GLDC: variants seen among roughly 807,000 people sequenced by gnomAD.
The protein encoded by GLDC is glycine dehydrogenase (decarboxylating), mitochondrial.
In GLDC, 104 loss-of-function variants were observed where a neutral mutation model predicts 121.3. That is an observed-to-expected ratio of 0.86 (90% CI 0.73 to 1.01). The LOEUF is 1.01. GLDC is among the 50% of genes least tolerant of loss of function. The pLI is 0.00. For synonymous variants in GLDC, 546 were observed against 480.6 expected (o/e 1.14, Z -1.78); for missense variants, 1,429 against 1,306.6 (o/e 1.09, Z -1.44).
Position 6,553,565 on chromosome 9 carries a change from T to A in GLDC, c.2316-56A>T, listed in dbSNP as rs979806949. 5 of 1,571,194 alleles carry A rather than the reference T, an allele frequency of 3.2e-6. No individual in the cohort carries two copies. In the Admixed American group the frequency reaches 8.3e-5, roughly 26 times the overall value. ...ATGTAAACGATTCAGTTTAATCTAA[T>A]GGGAAGGTTCTGGGCCCTCCCAGAA... On this transcript the variant is annotated intron_variant, in intron 19 of 24. Coordinates refer to ENST00000321612, the MANE Select transcript of GLDC (RefSeq NM_000170.3).
chr9:6,575,073 G>T (rs746579170), intron 15 of GLDC, among the ~76,000 whole-genome samples: 2 of 152,000 alleles, frequency 1.3e-5, no homozygotes, highest in Non-Finnish European at 2.9e-5. Flanking sequence ...GTGGTGGCGG[G>T]CACCTGTAGC....
chr9:6,578,132 T>A (rs1178163849), intron 15 of GLDC, among the ~76,000 whole-genome samples: 1 of 151,558 alleles, frequency 6.6e-6, no homozygotes. Context: ...CCAGGCTTCT[T>A]TTTTTTTCGA....
intron 7 of GLDC, among the ~76,000 whole-genome samples, chr9:6,604,232 T>C (rs999556321): frequency 6.6e-6 from 1 of 152,178 alleles, no homozygotes; most frequent in African/African-American, 2.4e-5. Context: ...TCTCAGTGCA[T>C]TTGTCTTTAC....
chr9:6,630,740 T>C lies in GLDC; in HGVS notation c.335-10421A>G, dbSNP rs146648500. ...TCAATCAAGATAAACAGACCATGAA[T>C]GACAGCATGGCAGGACTTTCTCATC... On this transcript the variant is annotated intron_variant, in intron 2 of 24. Coordinates refer to ENST00000321612, the MANE Select transcript of GLDC (RefSeq NM_000170.3). 5.3e-3 allele frequency among the ~76,000 whole-genome samples: 800 copies of C among 152,236 alleles called. 8 individuals carry two copies. The highest frequency in any genetic ancestry group is 0.018 in the African/African-American group (761 of 41,556).
At chr9:6,630,230 C>G (rs1439384875) in intron 2 of GLDC, among the ~76,000 whole-genome samples, 3 of 151,922 alleles carry the variant, frequency 2.0e-5, no homozygotes, top group Non-Finnish European at 2.9e-5. Context: ...GATCGTGCCA[C>G]TGCACCCCAG....
intron 3 of GLDC, among the ~76,000 whole-genome samples, chr9:6,610,807 C>A (rs1338461020): frequency 6.6e-6 from 1 of 152,166 alleles, no homozygotes; most frequent in Non-Finnish European, 1.5e-5. Context: ...GTCATGTTAC[C>A]CAAGCTGGTC....
intron 15 of GLDC, among the ~76,000 whole-genome samples, chr9:6,577,451 A>G (rs1214080997): frequency 2.0e-5 from 3 of 152,220 alleles, no homozygotes; most frequent in Admixed American, 6.5e-5. Context: ...ACCCTCTGAG[A>G]TCAGGAGAAC....
chr9:6,564,507 G>C (rs1350425231), intron 16 of GLDC, among the ~76,000 whole-genome samples: 1 of 152,172 alleles, frequency 6.6e-6, no homozygotes, highest in East Asian at 1.9e-4. Flanking sequence ...TACTTAGCCA[G>C]CCAGCACCAC....
chr9:6,639,659 T>TAAAAA (rs202066422), intron 2 of GLDC: 53 of 269,114 alleles, frequency 2.0e-4, no homozygotes, highest in Middle Eastern at 1.1e-3. Context: ...CTTTTCACCA[T>TAAAAA]AAAAAAAAAG....
intron 17 of GLDC, chr9:6,558,200 C>G: frequency 1.9e-6 from 1 of 514,808 alleles, no homozygotes; most frequent in East Asian, 3.3e-5. Flanking sequence ...GCAAAGCTGA[C>G]ATTTGTGTTA....
intron 4 of GLDC, among the ~76,000 whole-genome samples, chr9:6,609,251 A>C (rs556302963): frequency 6.6e-6 from 1 of 152,362 alleles, no homozygotes; most frequent in Non-Finnish European, 1.5e-5. Flanking sequence ...TCTTCAGGAA[A>C]TAATCAGAAG....
intron 22 of GLDC, among the ~76,000 whole-genome samples, chr9:6,537,552 C>G (rs1369192868): frequency 6.6e-6 from 1 of 152,212 alleles, no homozygotes; most frequent in African/African-American, 2.4e-5. Flanking sequence ...AGGCCAAGGC[C>G]AGCGGATTGC....
At chr9:6,607,066 CA>C (rs903027622) in intron 4 of GLDC, among the ~76,000 whole-genome samples, 19 of 148,070 alleles carry the variant, frequency 1.3e-4, no homozygotes, top group South Asian at 4.3e-4. Context: ...AACTCTGTCT[CA>C]AAAAAAAAAT....
At chr9:6,640,512 G>A (rs1755603) in intron 2 of GLDC, among the ~76,000 whole-genome samples, 44,726 of 152,080 alleles carry the variant, frequency 0.29, 7,109 homozygotes, top group East Asian at 0.51. Context: ...CCCTCCCTCC[G>A]CTCACTGCCC....
chr9:6,609,995 G>A (rs1425755585), intron 4 of GLDC, among the ~76,000 whole-genome samples, 197 bp downstream of exon 4: 1 of 152,092 alleles, frequency 6.6e-6, no homozygotes, highest in Non-Finnish European at 1.5e-5. Flanking sequence ...CAAAATCCGG[G>A]TGGAGACACC....
chr9:6,583,115 G>A (rs1818203637), intron 15 of GLDC, among the ~76,000 whole-genome samples: 1 of 152,080 alleles, frequency 6.6e-6, no homozygotes, highest in Non-Finnish European at 1.5e-5. Context: ...CACTGCTGGT[G>A]GGAATGTTAA....
intron 3 of GLDC, among the ~76,000 whole-genome samples, chr9:6,618,711 G>A (rs926176219): frequency 1.3e-5 from 2 of 152,188 alleles, no homozygotes; most frequent in Non-Finnish European, 1.5e-5. Context: ...TGCTTTCAGT[G>A]TTGTTCTATC....
intron 15 of GLDC, among the ~76,000 whole-genome samples, chr9:6,577,386 C>T (rs1337634703): frequency 3.9e-5 from 6 of 152,180 alleles, no homozygotes; most frequent in Non-Finnish European, 8.8e-5. Flanking sequence ...TTGCCTCCAG[C>T]CCCAGGGCAA....
In GLDC at chr9:6,645,298, T is replaced by G. The variant is rs1375760339; in HGVS notation, c.202A>C (p.Ile68Leu). Residue 68 changes from isoleucine (I) to leucine (L), a missense_variant, in exon 1 of 25, where the codon ATC becomes CTC. Physicochemically the swap from Ile to Leu is conservative, Grantham distance 5. Transcript: ENST00000321612. The part of the protein sequence containing the change: ...PRHDDFARRH[I>L]GPGDKDQREM... Reference sequence around the variant, plus strand: ...CTCTGGTCTTTGTCCCCAGGGCCGATGTGCCTCCGAGCGAAGTCGTCGTGT... The same window carrying G: ...CTCTGGTCTTTGTCCCCAGGGCCGAGGTGCCTCCGAGCGAAGTCGTCGTGT... 6.2e-7 allele frequency: 1 copy of G among 1,601,276 alleles called. No homozygotes were observed. The highest frequency in any genetic ancestry group is 2.3e-5 in the East Asian group (1 of 43,942).
Sources: gnomAD v4.1 joint callset for allele counts (sites outside exome capture counted in the v4.1 genomes callset) on GRCh38, gnomAD v4.1.1 for gene constraint, MANE v1.5 for transcripts, NCBI Gene and HGNC (gene_info 2026-07-23, HGNC 2026-07-21) for gene names.